Variants in CDH18 observed in about 807,000 individuals in gnomAD.
The protein encoded by CDH18 is cadherin 18, also known as cadherin-18.
CDH18 carries 31 observed loss-of-function variants against 67.9 expected under a neutral mutation model. The ratio of observed to expected loss-of-function variants is 0.46; its 90% CI spans 0.34 to 0.62. The LOEUF (loss-of-function observed/expected upper bound fraction) is 0.62. Ranked by LOEUF, CDH18 falls within the 20% of genes least tolerant of loss-of-function variation. The pLI, the probability that CDH18 is intolerant of heterozygous loss-of-function variation, is 0.01. For missense variants in CDH18, 890 were observed against 975.5 expected, an observed-to-expected ratio of 0.91 and a Z score of 1.17; for synonymous variants, 362 against 347.2, an observed-to-expected ratio of 1.04 and a Z score of -0.48.
chr5:20,514,018 A>C (rs956624905), intron 1 of CDH18, among the ~76,000 whole-genome samples: 11 of 152,120 alleles, frequency 7.2e-5, no homozygotes, highest in African/African-American at 2.2e-4. Flanking sequence ...TACTCATCAG[A>C]TTGCACTTTC....
intron 3 of CDH18, among the ~76,000 whole-genome samples, chr5:19,758,328 T>C (rs1771897944): frequency 1.3e-5 from 2 of 152,150 alleles, no homozygotes; most frequent in Non-Finnish European, 1.5e-5. Flanking sequence ...GAGCTGCCTC[T>C]CAAAAGGACA....
chr5:19,594,672 C>T (rs188178120), intron 6 of CDH18, among the ~76,000 whole-genome samples: 63 of 152,214 alleles, frequency 4.1e-4, no homozygotes, highest in Admixed American at 3.6e-3. Flanking sequence ...TCTTTTTCAA[C>T]ATTGTTTTGC....
At chr5:20,222,349 A>C (rs1349161737) in intron 2 of CDH18, among the ~76,000 whole-genome samples, 1 of 152,158 alleles carries the variant, frequency 6.6e-6, no homozygotes, top group African/African-American at 2.4e-5. Context: ...GTATCTCTGT[A>C]CTATAGGTAC....
At chr5:20,351,352 T>C (rs1289333737) in intron 1 of CDH18, among the ~76,000 whole-genome samples, 3 of 151,776 alleles carry the variant, frequency 2.0e-5, no homozygotes, top group Non-Finnish European at 4.4e-5. Context: ...CGAACACATA[T>C]AAAATGCTTT....
Position 20,471,833 on chromosome 5 carries a change from T to TAAAAAA in CDH18, c.-580+103623_-580+103628dup, listed in dbSNP as rs70954659. Among the ~76,000 whole-genome samples the TAAAAAA allele has an allele frequency of 2.3e-4, 12 of 51,494 alleles. 1 individual carries two copies. Among genetic ancestry groups the TAAAAAA allele is most frequent in the East Asian group, 5.6e-4 (1 of 1,778 alleles). The allele number at this position is 51,494 out of a possible 152,430, so 33.8% of individuals were successfully genotyped here. On this transcript the variant is annotated intron_variant, in intron 1 of 14. Coordinates refer to the CDH18 transcript ENST00000507958. ...CTGGGCAACAGATCGAGATTCAGTC[T>TAAAAAA]AAAAAAAAAAAAAAAAAAGCAAAAG...
chr5:20,500,189 A>G (rs933982566), intron 1 of CDH18, among the ~76,000 whole-genome samples: 1 of 152,148 alleles, frequency 6.6e-6, no homozygotes, highest in Non-Finnish European at 1.5e-5. Context: ...CTTCTTTTCT[A>G]CAGTTCTATA....
chr5:20,135,526 C>A (rs1749632235), intron 2 of CDH18, among the ~76,000 whole-genome samples: 1 of 152,072 alleles, frequency 6.6e-6, no homozygotes, highest in Non-Finnish European at 1.5e-5. Context: ...TTTTGTTGAT[C>A]TTTTCCAAAA....
intron 2 of CDH18, among the ~76,000 whole-genome samples, chr5:20,133,384 T>C (rs1239820809): frequency 6.6e-6 from 1 of 152,058 alleles, no homozygotes; most frequent in African/African-American, 2.4e-5. Context: ...TCAGCTTTCA[T>C]GAGACTTATT....
intron 9 of CDH18, among the ~76,000 whole-genome samples, chr5:19,534,593 T>C (rs765029049): frequency 6.6e-6 from 1 of 152,158 alleles, no homozygotes; most frequent in Non-Finnish European, 1.5e-5. Flanking sequence ...AGCCAATAAA[T>C]CTCTTTTAAA....
chr5:20,507,309 C>T (rs1754718780), intron 1 of CDH18, among the ~76,000 whole-genome samples: 1 of 152,156 alleles, frequency 6.6e-6, no homozygotes, highest in African/African-American at 2.4e-5. Context: ...ATATCAGAGA[C>T]AATGTGTACA....
At chr5:20,108,587 C>T (rs960106352) in intron 2 of CDH18, among the ~76,000 whole-genome samples, 1 of 152,098 alleles carries the variant, frequency 6.6e-6, no homozygotes, top group East Asian at 1.9e-4. Context: ...CACCCACATC[C>T]AGGTAAGTGT....
intron 2 of CDH18, among the ~76,000 whole-genome samples, chr5:20,069,090 G>T (rs767781194): frequency 8.6e-5 from 13 of 151,972 alleles, no homozygotes; most frequent in Non-Finnish European, 1.8e-4. Context: ...TTATTGTTCA[G>T]CAGTGTTTTA....
chr5:20,362,710 T>A (rs948542957), intron 1 of CDH18, among the ~76,000 whole-genome samples: 5 of 152,094 alleles, frequency 3.3e-5, no homozygotes, highest in Non-Finnish European at 7.4e-5. Flanking sequence ...GAAAAACAGA[T>A]CTAAAGAATG....
chr5:20,007,812 TA>T (rs1033011405), intron 2 of CDH18, among the ~76,000 whole-genome samples: 2 of 151,870 alleles, frequency 1.3e-5, no homozygotes, highest in Admixed American at 1.3e-4. Flanking sequence ...AAAATAAGAC[TA>T]GTGAAATATG....
At chr5:20,419,836 T>C (rs1443450520) in intron 1 of CDH18, among the ~76,000 whole-genome samples, 1 of 151,014 alleles carries the variant, frequency 6.6e-6, no homozygotes, top group East Asian at 1.9e-4. Flanking sequence ...CTTGTAAATA[T>C]AAATGGGTAG....
At chr5:20,470,170 C>T (rs1321010701) in intron 1 of CDH18, among the ~76,000 whole-genome samples, 1 of 152,052 alleles carries the variant, frequency 6.6e-6, no homozygotes, top group Non-Finnish European at 1.5e-5. Flanking sequence ...TTCACTTTCC[C>T]TCAACAACCT....
intron 2 of CDH18, among the ~76,000 whole-genome samples, chr5:20,034,918 G>T (rs370036859): frequency 6.6e-6 from 1 of 151,946 alleles, no homozygotes; most frequent in African/African-American, 2.4e-5. Flanking sequence ...AATTATTCAC[G>T]TACTCTTCCT....
intron 9 of CDH18, among the ~76,000 whole-genome samples, chr5:19,543,650 T>C (rs929821174): frequency 2.0e-5 from 3 of 152,174 alleles, no homozygotes; most frequent in African/African-American, 7.2e-5. Context: ...TGTTCTGTGA[T>C]GCCACTTTTC....
intron 3 of CDH18, among the ~76,000 whole-genome samples, chr5:19,785,671 AAAAAAAAAATATATATATATATATATAT>A (rs1283705578): frequency 2.1e-4 from 14 of 68,278 alleles, no homozygotes; most frequent in African/African-American, 9.1e-4. Context: ...AAAAAAAAAA[AAAAAAAAAATATATATATATATATATAT>A]ATATATATAT....
Sources: allele counts gnomAD v4.1 joint callset (sites outside exome capture counted in the v4.1 genomes callset), GRCh38; gene constraint gnomAD v4.1.1; transcripts MANE v1.5; gene names NCBI Gene and HGNC (gene_info 2026-07-23, HGNC 2026-07-21).